Variants in PICALM observed in about 807,000 individuals in gnomAD.
PICALM encodes the protein phosphatidylinositol-binding clathrin assembly protein.
PICALM carries 40 observed loss-of-function variants against 80.5 expected under a neutral mutation model. The ratio of observed to expected loss-of-function variants is 0.50; its 90% CI spans 0.39 to 0.65. The LOEUF (loss-of-function observed/expected upper bound fraction) is 0.65. PICALM is among the 30% of genes least tolerant of loss of function. The pLI is 0.00. For missense variants in PICALM, 676 were observed against 778.9 expected, an observed-to-expected ratio of 0.87 and a Z score of 1.57; for synonymous variants, 288 against 260.3, an observed-to-expected ratio of 1.11 and a Z score of -1.02.
intron 12 of PICALM, among the ~76,000 whole-genome samples, chr11:85,991,218 A>T (rs149064202): frequency 2.0e-3 from 307 of 152,316 alleles, no homozygotes; most frequent in African/African-American, 7.0e-3. Flanking sequence ...GAGCTAACTA[A>T]ATGGGGAAAG....
At chr11:86,057,356 T>C (rs1263750622) in intron 1 of PICALM, among the ~76,000 whole-genome samples, 1 of 152,048 alleles carries the variant, frequency 6.6e-6, no homozygotes, top group African/African-American at 2.4e-5. Flanking sequence ...CTGACCAACA[T>C]GGTGAAACCC....
chr11:85,981,723 A>C (rs1232133801), intron 16 of PICALM, 22 bp downstream of exon 16: 1 of 1,572,224 alleles, frequency 6.4e-7, no homozygotes, highest in African/African-American at 1.4e-5. Context: ...CGGAGAAAAC[A>C]ATGTGTATAT....
chr11:85,980,298 C>G (rs1389994844), intron 17 of PICALM, among the ~76,000 whole-genome samples: 1 of 152,202 alleles, frequency 6.6e-6, no homozygotes, highest in Admixed American at 6.5e-5. Flanking sequence ...CTGGGGCCAG[C>G]TGGACAGGGC....
At chr11:85,980,835 T>C (rs1316525224) in intron 17 of PICALM, among the ~76,000 whole-genome samples, 1 of 152,160 alleles carries the variant, frequency 6.6e-6, no homozygotes, top group African/African-American at 2.4e-5. Context: ...TCCTCATCTG[T>C]AAAATAGGGA....
At position 86,001,110 on chromosome 11, in the gene PICALM, T is replaced by A. The variant is rs139625756; in HGVS notation, c.942A>T (p.Leu314=). The change falls in exon 10 of 20, where the codon CTA becomes CTT. Residue 314 remains leucine, a synonymous_variant. Coordinates refer to ENST00000393346, the MANE Select transcript of PICALM (RefSeq NM_007166.4). ...NAVSSLASTG[L]SLTKVDEREK... is the part of the protein sequence containing the mutation. ...CCCTTTCATCCACTTTGGTCAGAGA[T>A]AGACCAGTGCTTGCCAGGGAAGACA... The A allele has an allele frequency of 3.1e-6, 5 of 1,613,966 alleles. No homozygotes were observed. Among genetic ancestry groups the A allele is most frequent in the Admixed American group, 3.3e-5 (2 of 60,030 alleles).
intron 12 of PICALM, among the ~76,000 whole-genome samples, chr11:85,994,113 AAACT>A (rs1290499580): frequency 1.3e-5 from 2 of 152,126 alleles, no homozygotes; most frequent in African/African-American, 2.4e-5. Context: ...TATTACACCT[AAACT>A]AAAATCTGAA....
At chr11:86,029,505 A>C (rs1188840511) in intron 2 of PICALM, among the ~76,000 whole-genome samples, 2 of 152,336 alleles carry the variant, frequency 1.3e-5, no homozygotes, top group East Asian at 1.9e-4. Context: ...TATCAAAAAA[A>C]CACACTAAAA....
intron 13 of PICALM, among the ~76,000 whole-genome samples, chr11:85,989,213 T>C (rs978072295): frequency 2.4e-4 from 37 of 152,230 alleles, no homozygotes; most frequent in Admixed American, 1.2e-3. Flanking sequence ...ATGAAGGAAT[T>C]ACTGCAATGA....
chr11:85,962,479 C>T (rs1337431636), intron 19 of PICALM, among the ~76,000 whole-genome samples: 2 of 152,202 alleles, frequency 1.3e-5, no homozygotes, highest in African/African-American at 4.8e-5. Flanking sequence ...ACCAGGGTAG[C>T]AGTCTGAAGA....
intron 12 of PICALM, among the ~76,000 whole-genome samples, chr11:85,992,036 G>C (rs2094796902): frequency 6.6e-6 from 1 of 152,024 alleles, no homozygotes; most frequent in Admixed American, 6.6e-5. Flanking sequence ...AATTTTTGTA[G>C]AGATGCTATG....
At chr11:86,009,528 C>T (rs1409534046) in intron 7 of PICALM, among the ~76,000 whole-genome samples, 1 of 151,406 alleles carries the variant, frequency 6.6e-6, no homozygotes, top group African/African-American at 2.4e-5. Flanking sequence ...CCCGTCTCTA[C>T]TAAAAATACA....
intron 7 of PICALM, among the ~76,000 whole-genome samples, chr11:86,008,083 G>C (rs1010810769): frequency 6.6e-6 from 1 of 152,094 alleles, no homozygotes; most frequent in Non-Finnish European, 1.5e-5. Context: ...GGTAGGCCAG[G>C]TTTACATAAA....
chr11:86,029,066 C>T (rs954574319), intron 2 of PICALM, among the ~76,000 whole-genome samples: 6 of 151,966 alleles, frequency 3.9e-5, no homozygotes, highest in Admixed American at 6.6e-5. Flanking sequence ...CTCGAACTTG[C>T]GACCTCAGGT....
intron 18 of PICALM, among the ~76,000 whole-genome samples, chr11:85,976,395 G>A (rs756045933): frequency 6.6e-6 from 1 of 152,132 alleles, no homozygotes; most frequent in Non-Finnish European, 1.5e-5. Flanking sequence ...GCAAAGTTAC[G>A]AGGAGAAAAA....
intron 4 of PICALM, among the ~76,000 whole-genome samples, chr11:86,015,575 T>C (rs1023044348): frequency 1.3e-5 from 2 of 152,258 alleles, no homozygotes; most frequent in Non-Finnish European, 2.9e-5. Context: ...TAAAATAGTC[T>C]GTTAAATATT....
chr11:85,990,325 CACT>C lies in PICALM; in HGVS notation c.1330_1332del (p.Ser444del), dbSNP rs2094725152. On this transcript the variant is annotated inframe_deletion, in exon 13 of 20. Transcript: ENST00000393346. ...GAAGAAATGGAAAGGTGAACATCAC[CACT>C]ACTTTTTGTGAGGAAAGGATTTAAG... 1.7e-5 allele frequency: 28 copies of C among 1,604,174 alleles called. No homozygotes were observed. The highest frequency in any genetic ancestry group is 4.0e-5 in the African/African-American group (3 of 74,732).
intron 13 of PICALM, among the ~76,000 whole-genome samples, chr11:85,986,117 G>C (rs2094563202): frequency 6.7e-6 from 1 of 149,790 alleles, no homozygotes. Context: ...ATAAACAGAG[G>C]GAAAAAGTAA....
intron 4 of PICALM, among the ~76,000 whole-genome samples, chr11:86,015,190 G>C (rs866835563): frequency 6.6e-6 from 1 of 151,962 alleles, no homozygotes; most frequent in African/African-American, 2.4e-5. Flanking sequence ...AACTAAAAAA[G>C]AACATAAAGC....
chr11:85,975,592 C>CTTT (rs11407535), intron 18 of PICALM, among the ~76,000 whole-genome samples: 3,616 of 89,410 alleles, frequency 0.04, 306 homozygotes, highest in African/African-American at 0.077. Flanking sequence ...TCTCAGCAGA[C>CTTT]TTTTTTTTTT....
Sources: gnomAD v4.1 joint callset for allele counts (sites outside exome capture counted in the v4.1 genomes callset) on GRCh38, gnomAD v4.1.1 for gene constraint, MANE v1.5 for transcripts, NCBI Gene and HGNC (gene_info 2026-07-23, HGNC 2026-07-21) for gene names.